KALRN: variants seen among roughly 807,000 people sequenced by gnomAD.
The protein encoded by KALRN is kalirin RhoGEF kinase, also known as kalirin.
In KALRN, 70 loss-of-function variants were observed where a neutral mutation model predicts 353.7. The ratio of observed to expected loss-of-function variants is 0.20; its 90% CI spans 0.16 to 0.24. KALRN has a LOEUF of 0.24. KALRN is among the 10% of genes least tolerant of loss of function. KALRN has a pLI of 1.00. For missense variants in KALRN, 2,791 were observed against 3,756.7 expected (o/e 0.74, Z 6.72); for synonymous variants, 1,391 against 1,434.8 (o/e 0.97, Z 0.69).
chr3:124,706,282 G>A (rs2062609972), intron 57 of KALRN, among the ~76,000 whole-genome samples: 1 of 152,188 alleles, frequency 6.6e-6, no homozygotes, highest in Non-Finnish European at 1.5e-5. Context: ...TGAAGGCAGT[G>A]GAGCCATTCT....
intron 3 of KALRN, among the ~76,000 whole-genome samples, chr3:124,241,797 G>T (rs909476590): frequency 1.3e-5 from 2 of 152,196 alleles, no homozygotes; most frequent in African/African-American, 2.4e-5. Flanking sequence ...CCTCGCTGTT[G>T]ACTGGGAGTG....
At chr3:124,700,735 TG>T (rs1404193062) in intron 56 of KALRN, among the ~76,000 whole-genome samples, 2 of 151,772 alleles carry the variant, frequency 1.3e-5, no homozygotes, top group African/African-American at 4.8e-5. Context: ...GAGCAGTGGG[TG>T]GGGGGCAGCT....
chr3:124,156,507 A>G (rs2069019703), intron 1 of KALRN, among the ~76,000 whole-genome samples: 1 of 152,136 alleles, frequency 6.6e-6, no homozygotes, highest in South Asian at 2.1e-4. Context: ...GTATTTTGTA[A>G]TGAATCTCAT....
intron 10 of KALRN, among the ~76,000 whole-genome samples, chr3:124,376,581 C>T (rs962639669): frequency 6.6e-6 from 1 of 152,190 alleles, no homozygotes; most frequent in Non-Finnish European, 1.5e-5. Flanking sequence ...TTCTATATCA[C>T]CCTCCTTAAT....
At chr3:124,240,992 GC>G (rs1232624424) in intron 3 of KALRN, among the ~76,000 whole-genome samples, 5 of 152,076 alleles carry the variant, frequency 3.3e-5, no homozygotes, top group African/African-American at 1.2e-4. Context: ...TACATAGATA[GC>G]AATATTTGCT....
At chr3:124,318,491 TTAAACTAATTAATCA>T (rs1340785206) in intron 6 of KALRN, among the ~76,000 whole-genome samples, 4 of 152,198 alleles carry the variant, frequency 2.6e-5, no homozygotes, top group African/African-American at 9.6e-5. Flanking sequence ...CATGGTAATG[TTAAACTAATTAATCA>T]TAAACTAATG....
chr3:124,252,413 C>G (rs1266392202), intron 3 of KALRN, among the ~76,000 whole-genome samples: 1 of 152,210 alleles, frequency 6.6e-6, no homozygotes, highest in Non-Finnish European at 1.5e-5. Flanking sequence ...ATGAATGTTT[C>G]CTCAAGATCA....
intron 3 of KALRN, among the ~76,000 whole-genome samples, chr3:124,261,642 TGGATGCTG>T (rs1170448145): frequency 1.3e-5 from 2 of 152,348 alleles, no homozygotes; most frequent in South Asian, 2.1e-4. Flanking sequence ...CCACCAGCTT[TGGATGCTG>T]GGATTGTTGA....
rs2063320955 is a variant in KALRN, at chr3:124,719,992, A to G, written c.*522A>G. 1 of 152,922 alleles carries G rather than the reference A, an allele frequency of 6.5e-6. No homozygotes were observed. The allele number at this position is 152,922 out of a possible 1,614,324, so 9.5% of individuals were successfully genotyped here. A position where few individuals can be genotyped will look rare whatever the true frequency, so the allele number is the denominator to read the frequency against. ...TTTCAGAGTTTTCTAATATAGAGAT[A>G]TATATATTAAATCAATCACAAGTAA... On this transcript the variant is annotated 3_prime_UTR_variant, in exon 60 of 60. Coordinates refer to ENST00000682506, the MANE Select transcript of KALRN (RefSeq NM_001388419.1). This position sits in a 1 kb window ranked among gnomAD's most constrained non-coding sequence, Gnocchi z 5.3.
intron 11 of KALRN, among the ~76,000 whole-genome samples, chr3:124,393,527 T>C (rs973567003): frequency 6.6e-6 from 1 of 152,204 alleles, no homozygotes; most frequent in Admixed American, 6.5e-5. Context: ...GAAAAGGAAA[T>C]AAACTGAACT....
chr3:124,044,980 C>G (rs1260380769), intron 1 of KALRN, among the ~76,000 whole-genome samples: 1 of 150,738 alleles, frequency 6.6e-6, no homozygotes, highest in Non-Finnish European at 1.5e-5. Context: ...GATTTTTAAA[C>G]TTGCAGTTAC....
At chr3:124,715,222 A>C (rs1013007593) in intron 58 of KALRN, among the ~76,000 whole-genome samples, 3 of 152,164 alleles carry the variant, frequency 2.0e-5, no homozygotes, top group African/African-American at 7.2e-5. Flanking sequence ...GTTTGTGGAG[A>C]GGCAGTGCCT....
intron 33 of KALRN, among the ~76,000 whole-genome samples, chr3:124,526,346 G>A (rs2067587931): frequency 6.6e-6 from 1 of 152,156 alleles, no homozygotes; most frequent in Non-Finnish European, 1.5e-5. Flanking sequence ...GCTGAGGCGG[G>A]CAGATCACTT....
chr3:124,326,919 A>G (rs1175641598), intron 7 of KALRN, among the ~76,000 whole-genome samples: 1 of 152,268 alleles, frequency 6.6e-6, no homozygotes, highest in Non-Finnish European at 1.5e-5. Flanking sequence ...TGATTATTTT[A>G]CAACATATTG....
chr3:124,057,104 T>C (rs184146415), intron 1 of KALRN, among the ~76,000 whole-genome samples: 6 of 152,344 alleles, frequency 3.9e-5, no homozygotes, highest in African/African-American at 1.4e-4. Context: ...CATTGATTTA[T>C]CCCTTACCAC....
At chr3:124,203,928 G>A (rs745920546) in intron 1 of KALRN, among the ~76,000 whole-genome samples, 3 of 152,226 alleles carry the variant, frequency 2.0e-5, no homozygotes, top group Non-Finnish European at 4.4e-5. Flanking sequence ...ATATTTGCAG[G>A]ATGTGAAGCT....
At chr3:124,679,565 T>G (rs1341554618) in intron 51 of KALRN, 48 bp downstream of exon 51, 1 of 1,475,026 alleles carries the variant, frequency 6.8e-7, no homozygotes, top group Non-Finnish European at 9.5e-7. Flanking sequence ...TTGCCTTTTT[T>G]GATGTGTTCT....
intron 34 of KALRN, among the ~76,000 whole-genome samples, chr3:124,616,294 G>A (rs1160242333): frequency 6.6e-6 from 1 of 152,150 alleles, no homozygotes; most frequent in South Asian, 2.1e-4. Flanking sequence ...TTTGGTTAAG[G>A]TTACTACTGA....
intron 6 of KALRN, among the ~76,000 whole-genome samples, chr3:124,309,635 C>A (rs2078051990): frequency 6.6e-6 from 1 of 151,996 alleles, no homozygotes; most frequent in South Asian, 2.1e-4. Flanking sequence ...GGGAGTCATC[C>A]CAGAATTGTG....
Sources: allele counts gnomAD v4.1 joint callset (sites outside exome capture counted in the v4.1 genomes callset), GRCh38; gene constraint gnomAD v4.1.1; non-coding constraint Gnocchi (gnomAD v3.1); transcripts MANE v1.5; gene names NCBI Gene and HGNC (gene_info 2026-07-23, HGNC 2026-07-21).